Variants in BAZ2B observed in about 807,000 individuals in gnomAD.
BAZ2B encodes bromodomain adjacent to zinc finger domain protein 2B.
In BAZ2B, 91 loss-of-function variants were observed where a neutral mutation model predicts 246.0. The ratio of observed to expected loss-of-function variants is 0.37; its 90% CI spans 0.31 to 0.44. The LOEUF is 0.44. Ranked by LOEUF, BAZ2B falls within the 20% of genes least tolerant of loss-of-function variation. The pLI is 1.00. For synonymous variants in BAZ2B, 855 were observed against 860.0 expected, an observed-to-expected ratio of 0.99 and a Z score of 0.10; for missense variants, 2,332 against 2,533.7, an observed-to-expected ratio of 0.92 and a Z score of 1.71.
chr2:159,620,809 A>T (rs1696402112), upstream of BAZ2B, among the ~76,000 whole-genome samples: 1 of 152,212 alleles, frequency 6.6e-6, no homozygotes, highest in African/African-American at 2.4e-5. Flanking sequence ...AAAAGGCCTA[A>T]GTACCATGGT....
chr2:159,618,660 G>A (rs1337975701), upstream of BAZ2B, among the ~76,000 whole-genome samples: 4 of 151,966 alleles, frequency 2.6e-5, no homozygotes, highest in East Asian at 7.7e-4. Flanking sequence ...ATATTTCTAT[G>A]CGTAAAGTAT....
intron 2 of BAZ2B, among the ~76,000 whole-genome samples, chr2:159,480,540 A>T (rs1288027150): frequency 6.6e-6 from 1 of 152,140 alleles, no homozygotes; most frequent in African/African-American, 2.4e-5. Flanking sequence ...TAATCTGAAT[A>T]ATTATTTAAA....
chr2:159,398,959 G>A (rs1022765471), intron 17 of BAZ2B, 65 bp from the exon 18 acceptor site: 4 of 1,453,202 alleles, frequency 2.8e-6, no homozygotes, highest in Non-Finnish European at 3.8e-6. Context: ...AATAATGTCA[G>A]ACTTGAAATG....
intron 2 of BAZ2B, among the ~76,000 whole-genome samples, chr2:159,541,721 C>T (rs114141867): frequency 0.031 from 4,690 of 152,242 alleles, 242 homozygotes; most frequent in African/African-American, 0.11. Flanking sequence ...CAAAGTGCTA[C>T]GTTCCCTTCC....
At chr2:159,630,931 C>G in the BAZ2B span, among the ~76,000 whole-genome samples, 1 of 152,140 alleles carries the variant, frequency 6.6e-6, no homozygotes, top group Non-Finnish European at 1.5e-5. Context: ...CAGTGGCTCA[C>G]GTGTGTAGTC....
chr2:159,701,888 C>T, the BAZ2B span, among the ~76,000 whole-genome samples: 1 of 151,862 alleles, frequency 6.6e-6, no homozygotes, highest in Non-Finnish European at 1.5e-5. Flanking sequence ...ATCACCACAC[C>T]CAGCTAATTT....
At position 159,383,534 on chromosome 2, in the gene BAZ2B, C is replaced by T. The variant is rs142182243; in HGVS notation, c.3761+72G>A. The T allele has an allele frequency of 2.1e-4, 265 of 1,244,506 alleles. No homozygotes were observed. In the East Asian group the frequency reaches 6.1e-3, roughly 29 times the overall value. The allele number at this position is 1,244,506 out of a possible 1,614,324, so 77.1% of individuals were successfully genotyped here. A position where few individuals can be genotyped will look rare whatever the true frequency, so the allele number is the denominator to read the frequency against. On this transcript the variant is annotated intron_variant, in intron 24 of 36. Transcript: ENST00000392783. ...AATAAAAGTTTAAATTCTATCTTTGCAATTCATATGCTTTACTGGGAATTT... is the reference window on the plus strand; with the variant it reads ...AATAAAAGTTTAAATTCTATCTTTGTAATTCATATGCTTTACTGGGAATTT...
intron 4 of BAZ2B, among the ~76,000 whole-genome samples, chr2:159,449,612 A>C (rs2074760037): frequency 6.6e-6 from 1 of 152,236 alleles, no homozygotes; most frequent in Non-Finnish European, 1.5e-5. Context: ...AAACAGTATA[A>C]GTAGAAAACT....
chr2:159,454,528 T>C (rs184425153), intron 3 of BAZ2B, among the ~76,000 whole-genome samples: 1 of 152,292 alleles, frequency 6.6e-6, no homozygotes, highest in Admixed American at 6.5e-5. Context: ...TGGTAAATAT[T>C]TGTATATCTA....
intron 3 of BAZ2B, among the ~76,000 whole-genome samples, chr2:159,477,368 TAC>T (rs59620026): frequency 6.6e-6 from 1 of 151,802 alleles, no homozygotes; most frequent in African/African-American, 2.4e-5. Flanking sequence ...TATACACACA[TAC>T]ACACACATAT....
chr2:159,462,444 A>G (rs2076522209), intron 3 of BAZ2B: 1 of 1,226,402 alleles, frequency 8.2e-7, no homozygotes, highest in Non-Finnish European at 1.2e-6. Context: ...ATCTTGTTCC[A>G]GTCAATTTTG....
chr2:159,614,964 AAAAG>A (rs1695567108), intron 1 of BAZ2B, among the ~76,000 whole-genome samples: 1 of 150,584 alleles, frequency 6.6e-6, no homozygotes, highest in African/African-American at 2.4e-5. Context: ...TCAAAAATAA[AAAAG>A]AGAGAGACTT....
chr2:159,506,573 C>T (rs1041999244), intron 2 of BAZ2B, among the ~76,000 whole-genome samples: 1 of 152,234 alleles, frequency 6.6e-6, no homozygotes, highest in East Asian at 1.9e-4. Context: ...CCGCAAAGAA[C>T]CAGATCGGCC....
intron 2 of BAZ2B, among the ~76,000 whole-genome samples, chr2:159,526,551 T>C: frequency 6.6e-6 from 1 of 152,314 alleles, no homozygotes. Flanking sequence ...TATATTAACA[T>C]AGATATATAT....
the BAZ2B span, among the ~76,000 whole-genome samples, chr2:159,709,180 G>C: frequency 6.6e-6 from 1 of 151,588 alleles, no homozygotes; most frequent in Non-Finnish European, 1.5e-5. Context: ...TTGGCCAGGC[G>C]CGGTGGCTAA....
intron 1 of BAZ2B, among the ~76,000 whole-genome samples, chr2:159,599,532 C>A (rs868371041): frequency 6.6e-6 from 1 of 151,680 alleles, no homozygotes; most frequent in Non-Finnish European, 1.5e-5. Flanking sequence ...ACAGGAGAAT[C>A]GCTTGAACCT....
At chr2:159,682,213 T>A in the BAZ2B span, among the ~76,000 whole-genome samples, 1 of 149,476 alleles carries the variant, frequency 6.7e-6, no homozygotes, top group Middle Eastern at 3.4e-3. Flanking sequence ...TTTTTTTTTT[T>A]AGACAGTCTC....
chr2:159,596,484 A>G (rs1339767177), intron 1 of BAZ2B, among the ~76,000 whole-genome samples: 1 of 152,208 alleles, frequency 6.6e-6, no homozygotes, highest in African/African-American at 2.4e-5. Context: ...ATAGAAAAGA[A>G]GCTACCAAAC....
chr2:159,656,609 GATTCTTTCACTTGGCA>G, the BAZ2B span, among the ~76,000 whole-genome samples: 756 of 152,134 alleles, frequency 5.0e-3, 11 homozygotes, highest in Middle Eastern at 0.071. Flanking sequence ...TTTCAGATTG[GATTCTTTCACTTGGCA>G]ATACGTGTTT....
Sources: allele counts gnomAD v4.1 joint callset (sites outside exome capture counted in the v4.1 genomes callset), GRCh38; gene constraint gnomAD v4.1.1; transcripts MANE v1.5; gene names NCBI Gene and HGNC (gene_info 2026-07-23, HGNC 2026-07-21).